The following ADAP1 variants were observed in gnomAD, a reference collection of about 807,000 sequenced individuals.
ADAP1 encodes arf-GAP with dual PH domain-containing protein 1.
In ADAP1, 31 loss-of-function variants were observed where a neutral mutation model predicts 54.9. The observed-to-expected ratio is 0.56, with a 90% CI of 0.42 to 0.76. ADAP1 has a LOEUF of 0.76. ADAP1 is among the 30% of genes least tolerant of loss of function. The pLI is 0.00. For missense variants in ADAP1, 535 were observed against 512.4 expected (o/e 1.04, Z -0.42); for synonymous variants, 313 against 202.6 (o/e 1.55, Z -4.63).
chr7:909,740 C>G (rs975067664), intron 4 of ADAP1, among the ~76,000 whole-genome samples: 14 of 152,228 alleles, frequency 9.2e-5, no homozygotes, highest in Admixed American at 8.5e-4. Context: ...TGGCCATTTT[C>G]TCTTAAAGGA....
Position 914,707 on chromosome 7 carries a change from G to A in ADAP1, c.388+5261C>T, listed in dbSNP as rs894192158. Among the ~76,000 whole-genome samples the A allele has an allele frequency of 2.1e-4, 32 of 152,256 alleles. No individual in the cohort carries two copies. The Middle Eastern group carries it at 0.014, about 65-fold the overall frequency. ...CTAGGTCTGTGGGAGAGGTGCCCTG[G>A]AGCCCCTGAACACACAAGGAGACAG... is the stretch of plus-strand genomic sequence containing the variant. On this transcript the variant is annotated intron_variant, in intron 4 of 10. Transcript: ENST00000265846.
rs528263130 is a variant in ADAP1 at position 945,768 on chromosome 7, C to T, written c.82+8628G>A. The T allele has an allele frequency of 2.4e-5, 24 of 985,792 alleles. No homozygotes were observed. The East Asian group carries it at 2.4e-3, about 98-fold the overall frequency. The allele number at this position is 985,792 out of a possible 1,614,324, so 61.1% of individuals were successfully genotyped here. A position where few individuals can be genotyped will look rare whatever the true frequency, so the allele number is the denominator to read the frequency against. ...CAGCCCCGCTCTGCCCTACCTGCTC[C>T]CAGGACGCCCGAGGTGACTCAGCCG... On this transcript the variant is annotated intron_variant, in intron 1 of 10. Coordinates refer to ENST00000265846, the MANE Select transcript of ADAP1 (RefSeq NM_006869.4). The surrounding 1 kb of genome is among the most constrained non-coding windows in gnomAD (Gnocchi z 4.2).
At chr7:909,927 C>T (rs1845651929) in intron 4 of ADAP1, among the ~76,000 whole-genome samples, 1 of 152,248 alleles carries the variant, frequency 6.6e-6, no homozygotes, top group South Asian at 2.1e-4. Flanking sequence ...TCTTGTCCCA[C>T]CTGTGGGGAG....
Position 920,829 on chromosome 7 carries a change from G to T in ADAP1, c.306-779C>A, listed in dbSNP as rs747638956. The T allele has an allele frequency of 9.9e-5, 154 of 1,550,102 alleles. No individual in the cohort carries two copies. The highest frequency in any genetic ancestry group is 6.7e-4 in the Middle Eastern group (4 of 5,986). ...TGCAGAAACCACGACCCACACACAG[G>T]CCCGGCACGGCCCAGGTGCACAGGC... On this transcript the variant is annotated intron_variant, in intron 3 of 10. Coordinates refer to ENST00000265846, the MANE Select transcript of ADAP1 (RefSeq NM_006869.4). This position sits in a 1 kb window ranked among gnomAD's most constrained non-coding sequence, Gnocchi z 4.5.
At chr7:901,282 C>G in intron 6 of ADAP1, 1 of 344,304 alleles carries the variant, frequency 2.9e-6, no homozygotes, top group Non-Finnish European at 5.7e-6. Context: ...AGCGCCCCTC[C>G]TGGGGTCTGC....
Position 898,518 on chromosome 7 carries a change from G to C in ADAP1, c.*403C>G, listed in dbSNP as rs141928287. ...ATGCGAGCAGGGCCCAGTCCCCAGC[G>C]GCCGGCAGCTGCCCACCGTGCTGGC... On this transcript the variant is annotated 3_prime_UTR_variant, in exon 11 of 11. Transcript: ENST00000265846. 1 of 287,654 alleles carries C rather than the reference G, an allele frequency of 3.5e-6. No homozygotes were observed. Among genetic ancestry groups the C allele is most frequent in the African/African-American group, 2.2e-5 (1 of 45,950 alleles). 17.8% of individuals were successfully genotyped at this position (287,654 alleles called of 1,614,324 possible). A position where few individuals can be genotyped will look rare whatever the true frequency, so the allele number is the denominator to read the frequency against.
chr7:898,767 G>A lies in ADAP1; in HGVS notation c.*154C>T, dbSNP rs546933002. On this transcript the variant is annotated 3_prime_UTR_variant, in exon 11 of 11. Coordinates refer to ENST00000265846, the MANE Select transcript of ADAP1 (RefSeq NM_006869.4). ...CCTTGAGGTTCCAGAGAAGCATCCTGGAAGCTGAAGCTCGGGCCCTACCTG... is the reference window on the plus strand; with the variant it reads ...CCTTGAGGTTCCAGAGAAGCATCCTAGAAGCTGAAGCTCGGGCCCTACCTG... The A allele has an allele frequency of 4.4e-5, 43 of 973,018 alleles. No homozygotes were observed. Among genetic ancestry groups the A allele is most frequent in the African/African-American group, 4.0e-4 (25 of 61,762 alleles). The allele number at this position is 973,018 out of a possible 1,614,324, so 60.3% of individuals were successfully genotyped here.
intron 8 of ADAP1, 125 bp downstream of exon 8, chr7:899,977 C>T (rs1422940176): frequency 8.6e-7 from 1 of 1,165,180 alleles, no homozygotes. Flanking sequence ...AGACAAGGGG[C>T]TGTGAGGACC....
rs1845244284 is a variant in ADAP1 at position 905,874 on chromosome 7, GGA to G, written c.389-704_389-703del. 2.4e-3 allele frequency among the ~76,000 whole-genome samples: 45 copies of G among 19,042 alleles called. 3 individuals carry two copies. The highest frequency in any genetic ancestry group is 3.4e-3 in the Non-Finnish European group (26 of 7,608). The allele number at this position is 19,042 out of a possible 152,430, so 12.5% of individuals were successfully genotyped here. A position where few individuals can be genotyped will look rare whatever the true frequency, so the allele number is the denominator to read the frequency against. On this transcript the variant is annotated intron_variant, in intron 4 of 10. Coordinates refer to ENST00000265846, the MANE Select transcript of ADAP1 (RefSeq NM_006869.4). The stretch of plus-strand genomic sequence containing the variant: ...GAAGGGAGAAGGGAGAAGGGAGAAG[GGA>G]GAAAGGAGAAAGGAGAAAGGAGAAA...
In ADAP1 at chr7:943,884, G is replaced by A. The variant is rs572366003; in HGVS notation, c.83-8379C>T. On this transcript the variant is annotated intron_variant, in intron 1 of 10. Coordinates refer to ENST00000265846, the MANE Select transcript of ADAP1 (RefSeq NM_006869.4). ...AGGAGGAGGAAGAGAGAGAAGAGGA[G>A]AAAGAGAGAAATTGACCTCATCAGA... 3.3e-5 allele frequency among the ~76,000 whole-genome samples: 5 copies of A among 151,018 alleles called. No homozygotes were observed. The East Asian group carries it at 9.7e-4, about 29-fold the overall frequency.
intron 4 of ADAP1, among the ~76,000 whole-genome samples, chr7:905,810 A>AGGAGAAAGGAGAAGGGAGAAG (rs1845231474): frequency 3.4e-5 from 1 of 29,768 alleles, no homozygotes; most frequent in Admixed American, 4.3e-4. Flanking sequence ...GAAAGGAGAA[A>AGGAGAAAGGAGAAGGGAGAAG]GGAGAAGGGA....
chr7:949,692 G>A lies in ADAP1; in HGVS notation c.82+4704C>T, dbSNP rs192528182. Among the ~76,000 whole-genome samples, 405 of 152,284 alleles carry A rather than the reference G, an allele frequency of 2.7e-3. 1 individual carries two copies. The highest frequency in any genetic ancestry group is 9.4e-3 in the African/African-American group (392 of 41,572). ...GCCCAGTCTAGGCTGAAGTTGGGGG[G>A]AGCCTGGCCAGGGCCTGGGCACCAG... On this transcript the variant is annotated intron_variant, in intron 1 of 10. Coordinates refer to ENST00000265846, the MANE Select transcript of ADAP1 (RefSeq NM_006869.4).
Position 920,889 on chromosome 7 carries a change from C to A in ADAP1, c.306-839G>T, listed in dbSNP as rs1436161377. 5.2e-6 allele frequency: 8 copies of A among 1,549,522 alleles called. No homozygotes were observed. Among genetic ancestry groups the A allele is most frequent in the Non-Finnish European group, 7.0e-6 (8 of 1,146,510 alleles). On this transcript the variant is annotated intron_variant, in intron 3 of 10. Transcript: ENST00000265846. The surrounding 1 kb of genome is among the most constrained non-coding windows in gnomAD (Gnocchi z 4.5). ...AGCCTTTTCCACTCCCAGGGAATTA[C>A]GCGGCAAAGAACAAATAGGAACCCT...
At position 913,457 on chromosome 7, in the gene ADAP1, T is replaced by C. The variant is rs1212615422; in HGVS notation, c.388+6511A>G. On this transcript the variant is annotated intron_variant, in intron 4 of 10. Coordinates refer to ENST00000265846, the MANE Select transcript of ADAP1 (RefSeq NM_006869.4). ...ACCTCGTGATCCGCCTGCCTCAGCC[T>C]CCCAAAGTGCTGGGATTACAGGCGT... Among the ~76,000 whole-genome samples, 3 of 152,080 alleles carry C rather than the reference T, an allele frequency of 2.0e-5. No homozygotes were observed. In the East Asian group the frequency reaches 5.8e-4, roughly 30 times the overall value.
intron 4 of ADAP1, among the ~76,000 whole-genome samples, chr7:916,674 T>G (rs1431025885): frequency 6.6e-6 from 1 of 152,122 alleles, no homozygotes; most frequent in Admixed American, 6.5e-5. Context: ...ACACAGGGAT[T>G]CTTGAGAGGA....
rs1367186142 is a variant in ADAP1 at position 945,354 on chromosome 7, C to T, written c.82+9042G>A. ...CAGCAGCAGGGCCCCCACAGGCCCA[C>T]GCAGGAGAGCCTCTCCCTAAGCCTG... On this transcript the variant is annotated intron_variant, in intron 1 of 10. Transcript: ENST00000265846. The surrounding 1 kb of genome is among the most constrained non-coding windows in gnomAD (Gnocchi z 4.2). Among the ~76,000 whole-genome samples, 3 of 152,222 alleles carry T rather than the reference C, an allele frequency of 2.0e-5. No individual in the cohort carries two copies. Among genetic ancestry groups the T allele is most frequent in the South Asian group, 2.1e-4 (1 of 4,836 alleles).
At chr7:947,117 G>C (rs1192912637) in intron 1 of ADAP1, among the ~76,000 whole-genome samples, 2 of 151,724 alleles carry the variant, frequency 1.3e-5, no homozygotes. Context: ...ATGGTTCACT[G>C]CAGCCTCGGC....
At chr7:910,410 C>T (rs186684888) in intron 4 of ADAP1, among the ~76,000 whole-genome samples, 1 of 152,126 alleles carries the variant, frequency 6.6e-6, no homozygotes, top group African/African-American at 2.4e-5. Flanking sequence ...CCACCACACC[C>T]GGCTAAGTTC....
At chr7:914,414 C>A (rs954767041) in intron 4 of ADAP1, among the ~76,000 whole-genome samples, 9 of 152,198 alleles carry the variant, frequency 5.9e-5, no homozygotes, top group Non-Finnish European at 1.3e-4. Context: ...CGCCGGGAAT[C>A]CCCAGTGCAC....
Sources: gnomAD v4.1 joint callset for allele counts (sites outside exome capture counted in the v4.1 genomes callset) on GRCh38, gnomAD v4.1.1 for gene constraint, Gnocchi (gnomAD v3.1) non-coding constraint, MANE v1.5 for transcripts, NCBI Gene and HGNC (gene_info 2026-07-23, HGNC 2026-07-21) for gene names.